Variants in ANKRD17 observed in about 807,000 individuals in gnomAD.
The protein encoded by ANKRD17 is ankyrin repeat domain-containing protein 17.
In ANKRD17, 19 loss-of-function variants were observed where a neutral mutation model predicts 229.7. That is an observed-to-expected ratio of 0.08 (90% CI 0.06 to 0.12). The LOEUF (loss-of-function observed/expected upper bound fraction) is 0.12. ANKRD17 is among the 10% of genes least tolerant of loss of function. The probability of loss-of-function intolerance (pLI) is 1.00; values close to 1 mark genes in which losing one functional copy is unlikely to be tolerated. For synonymous variants in ANKRD17, 1,112 were observed against 1,146.1 expected (o/e 0.97, Z 0.60); for missense variants, 2,176 against 3,176.8 (o/e 0.68, Z 7.57).
At chr4:73,126,073 GAGC>G (rs1415667150) in intron 16 of ANKRD17, among the ~76,000 whole-genome samples, 3 of 152,146 alleles carry the variant, frequency 2.0e-5, no homozygotes, top group African/African-American at 7.2e-5. Context: ...ATAGTGCAAG[GAGC>G]AAGTATCCAA....
chr4:73,077,254 A>G lies in ANKRD17; in HGVS notation c.7587+101T>C, dbSNP rs554625780. 27 of 1,329,816 alleles carry G rather than the reference A, an allele frequency of 2.0e-5. No individual in the cohort carries two copies. The South Asian group carries it at 4.2e-4, about 21-fold the overall frequency. The allele number at this position is 1,329,816 out of a possible 1,614,324, so 82.4% of individuals were successfully genotyped here. The stretch of plus-strand genomic sequence containing the variant: ...AAATCTAAAAATTATTACCCATTAT[A>G]TAACTTATTTTAACATTAGATTATA... On this transcript the variant is annotated intron_variant, in intron 32 of 33. Coordinates refer to ENST00000358602, the MANE Select transcript of ANKRD17 (RefSeq NM_032217.5).
chr4:73,171,479 A>G lies in ANKRD17; in HGVS notation c.547+5901T>C, dbSNP rs112282441. Reference sequence around the variant, plus strand: ...ACAAGTGCAGACTGTGAAGACTATAATAAATACCTAATTCTTCAATGCCCA... The same window carrying G: ...ACAAGTGCAGACTGTGAAGACTATAGTAAATACCTAATTCTTCAATGCCCA... On this transcript the variant is annotated intron_variant, in intron 2 of 33. Transcript: ENST00000358602. Among the ~76,000 whole-genome samples, 1,225 of 152,294 alleles carry G rather than the reference A, an allele frequency of 8.0e-3. 19 individuals carry two copies. Among genetic ancestry groups the G allele is most frequent in the African/African-American group, 0.028 (1,150 of 41,576 alleles).
At chr4:73,247,864 A>G (rs1364785769) in intron 1 of ANKRD17, among the ~76,000 whole-genome samples, 1 of 152,042 alleles carries the variant, frequency 6.6e-6, no homozygotes, top group Admixed American at 6.5e-5. Flanking sequence ...AAGAATGAAA[A>G]GACGTATTTC....
chr4:73,250,750 A>G (rs1291076512), intron 1 of ANKRD17, among the ~76,000 whole-genome samples: 2 of 151,520 alleles, frequency 1.3e-5, no homozygotes, highest in Admixed American at 1.3e-4. Context: ...TCTGTCGCCC[A>G]GACTGGAGTG....
chr4:73,143,620 C>T (rs956338228), intron 11 of ANKRD17, among the ~76,000 whole-genome samples: 8 of 152,244 alleles, frequency 5.3e-5, no homozygotes, highest in Admixed American at 6.5e-5. Context: ...AAAGTAATTT[C>T]GCCAGTAAGT....
intron 2 of ANKRD17, among the ~76,000 whole-genome samples, chr4:73,174,122 G>GAAGGAAGGAAGGAAGGAAGA (rs1734414398): frequency 6.6e-6 from 1 of 150,796 alleles, no homozygotes; most frequent in South Asian, 2.1e-4. Flanking sequence ...AGGAAGGAAG[G>GAAGGAAGGAAGGAAGGAAGA]AAGGAAGGAA....
In ANKRD17 at chr4:73,077,099, C is replaced by T; in HGVS notation, c.7593G>A (p.Met2531Ile). Residue 2531 changes from methionine to isoleucine, a missense_variant, in exon 33 of 34, where the codon ATG becomes ATA. By Grantham distance (10) the Met-to-Ile change is conservative. Around this residue, in one of 18 missense-constraint regions of ANKRD17, gnomAD observed 159 missense variants for 214.3 expected, o/e 0.74. Transcript: ENST00000358602. Reference protein sequence around the residue: ...GYMDFPKVGGMPFSVYGNAMI... With the variant: ...GYMDFPKVGGIPFSVYGNAMI... Reference sequence around the variant, plus strand: ...TTGCATTCCCATACACAGAAAAAGGCATACCCTTAAAAAAGGAAAACACAC... The same window carrying T: ...TTGCATTCCCATACACAGAAAAAGGTATACCCTTAAAAAAGGAAAACACAC... 6.4e-7 allele frequency: 1 copy of T among 1,568,856 alleles called. No individual in the cohort carries two copies. Among genetic ancestry groups the T allele is most frequent in the Non-Finnish European group, 8.6e-7 (1 of 1,160,208 alleles).
At chr4:73,218,954 G>A (rs567990283) in intron 1 of ANKRD17, among the ~76,000 whole-genome samples, 25 of 152,070 alleles carry the variant, frequency 1.6e-4, no homozygotes, top group Non-Finnish European at 2.9e-4. Flanking sequence ...CCAGCTACTC[G>A]GGAGGCTGAG....
At chr4:73,191,049 C>T (rs1437473112) in intron 1 of ANKRD17, among the ~76,000 whole-genome samples, 1 of 151,998 alleles carries the variant, frequency 6.6e-6, no homozygotes, top group Non-Finnish European at 1.5e-5. Context: ...TTTAATGGAA[C>T]TTGACATGTT....
At chr4:73,223,503 A>G (rs1483714683) in intron 1 of ANKRD17, among the ~76,000 whole-genome samples, 1 of 152,210 alleles carries the variant, frequency 6.6e-6, no homozygotes, top group East Asian at 1.9e-4. Flanking sequence ...TACATCAGGC[A>G]AATGTATTAT....
intron 16 of ANKRD17, among the ~76,000 whole-genome samples, chr4:73,134,668 A>G (rs1195899444): frequency 6.6e-6 from 1 of 152,184 alleles, no homozygotes; most frequent in African/African-American, 2.4e-5. Context: ...CTCACCACAT[A>G]TTTCAATCAG....
At chr4:73,087,836 G>T (rs571950708) in intron 29 of ANKRD17, among the ~76,000 whole-genome samples, 1 of 152,002 alleles carries the variant, frequency 6.6e-6, no homozygotes, top group African/African-American at 2.4e-5. Context: ...AAAAGATGGG[G>T]AAGAAAAGAA....
intron 16 of ANKRD17, among the ~76,000 whole-genome samples, chr4:73,131,000 CAACTT>C (rs1272712398): frequency 6.6e-6 from 1 of 152,108 alleles, no homozygotes; most frequent in Non-Finnish European, 1.5e-5. Context: ...AAAATAAACT[CAACTT>C]AAACTCAAGC....
chr4:73,211,236 T>G (rs1042365987), intron 1 of ANKRD17, among the ~76,000 whole-genome samples: 1 of 152,028 alleles, frequency 6.6e-6, no homozygotes, highest in African/African-American at 2.4e-5. Context: ...GGGAAAACCC[T>G]AGAGAAGAGG....
chr4:73,203,758 CA>C (rs67020753), intron 1 of ANKRD17, among the ~76,000 whole-genome samples: 32,498 of 81,424 alleles, frequency 0.4, 2,601 homozygotes, highest in Admixed American at 0.53. Context: ...GACTCCGTCT[CA>C]AAAAAAAAAA....
At chr4:73,222,607 C>G (rs1320663115) in intron 1 of ANKRD17, among the ~76,000 whole-genome samples, 1 of 152,142 alleles carries the variant, frequency 6.6e-6, no homozygotes. Flanking sequence ...TAAATGAATT[C>G]TAAGACATAT....
chr4:73,196,410 C>T (rs1381763429), intron 1 of ANKRD17, among the ~76,000 whole-genome samples: 3 of 152,116 alleles, frequency 2.0e-5, no homozygotes, highest in South Asian at 2.1e-4. Flanking sequence ...ATTATTATAT[C>T]GCTGATTTGA....
intron 24 of ANKRD17, among the ~76,000 whole-genome samples, chr4:73,106,616 C>T (rs1288505984): frequency 6.6e-6 from 1 of 152,130 alleles, no homozygotes; most frequent in Non-Finnish European, 1.5e-5. Flanking sequence ...CACGGTGGCT[C>T]ACGCCTGTAA....
intron 3 of ANKRD17, among the ~76,000 whole-genome samples, chr4:73,156,989 T>C (rs568714148): frequency 3.9e-5 from 6 of 152,278 alleles, no homozygotes; most frequent in Admixed American, 2.0e-4. Context: ...GAATTAAAAT[T>C]ATCAATATTC....
Sources: gnomAD v4.1 joint callset for allele counts (sites outside exome capture counted in the v4.1 genomes callset) on GRCh38, gnomAD v4.1.1 for gene constraint, gnomAD v4.1.1 regional missense constraint, MANE v1.5 for transcripts, NCBI Gene and HGNC (gene_info 2026-07-23, HGNC 2026-07-21) for gene names.